The following RANBP2 variants were observed in gnomAD, a reference collection of about 807,000 sequenced individuals.
The protein encoded by RANBP2 is RAN binding protein 2.
RANBP2 carries 57 observed loss-of-function variants against 303.6 expected under a neutral mutation model. The ratio of observed to expected loss-of-function variants is 0.19; its 90% CI spans 0.15 to 0.23. The LOEUF (loss-of-function observed/expected upper bound fraction) is 0.23, where lower values mean the gene tolerates loss of function less well. Among genes scored for constraint, RANBP2 ranks in the 10% least tolerant of loss-of-function variants. RANBP2 has a pLI of 1.00. For missense variants in RANBP2, 3,138 were observed against 3,780.8 expected, an observed-to-expected ratio of 0.83 and a Z score of 4.46; for synonymous variants, 1,167 against 1,301.5, an observed-to-expected ratio of 0.90 and a Z score of 2.23.
the RANBP2 span, among the ~76,000 whole-genome samples, chr2:108,811,927 A>G: frequency 6.6e-6 from 1 of 152,142 alleles, no homozygotes; most frequent in Non-Finnish European, 1.5e-5. Context: ...AGCTCCATCC[A>G]TGTTGCTGCA....
At chr2:109,495,236 C>T in the RANBP2 span, among the ~76,000 whole-genome samples, 1 of 152,198 alleles carries the variant, frequency 6.6e-6, no homozygotes, top group Non-Finnish European at 1.5e-5. Context: ...ATGCAGGCAG[C>T]AAATGCACAT....
the RANBP2 span, among the ~76,000 whole-genome samples, chr2:108,824,336 G>T: frequency 1.3e-5 from 2 of 151,838 alleles, no homozygotes; most frequent in African/African-American, 2.4e-5. Context: ...TATCCTGTAA[G>T]TTTTTTTCTA....
the RANBP2 span, among the ~76,000 whole-genome samples, chr2:109,675,321 T>C: frequency 1.3e-5 from 2 of 152,208 alleles, no homozygotes; most frequent in Admixed American, 6.5e-5. Flanking sequence ...CTTCCTGGTA[T>C]ACTAACAGCA....
At chr2:109,406,386 C>G in the RANBP2 span, among the ~76,000 whole-genome samples, 43,229 of 152,064 alleles carry the variant, frequency 0.28, 7,644 homozygotes, top group Non-Finnish European at 0.39. Flanking sequence ...AATGGGCAGT[C>G]AGCTCTGGAG....
the RANBP2 span, among the ~76,000 whole-genome samples, chr2:109,030,383 A>G: frequency 6.2e-4 from 95 of 152,342 alleles, no homozygotes; most frequent in Non-Finnish European, 1.0e-4. Context: ...AGTAAAGCCC[A>G]TTGTTAATGT....
At chr2:109,521,569 G>A in the RANBP2 span, among the ~76,000 whole-genome samples, 1,512 of 152,196 alleles carry the variant, frequency 9.9e-3, 34 homozygotes, top group African/African-American at 0.035. Flanking sequence ...GCATGCTCGC[G>A]GTCCCGAGAT....
At chr2:108,869,483 A>G in the RANBP2 span, among the ~76,000 whole-genome samples, 1 of 152,256 alleles carries the variant, frequency 6.6e-6, no homozygotes, top group East Asian at 1.9e-4. Context: ...GGAATGCGGC[A>G]TGGTTTGAAT....
chr2:109,254,171 C>A, the RANBP2 span, among the ~76,000 whole-genome samples: 5 of 152,156 alleles, frequency 3.3e-5, no homozygotes, highest in Non-Finnish European at 5.9e-5. Flanking sequence ...TGAAGAAAAT[C>A]ACATTTTTCT....
the RANBP2 span, among the ~76,000 whole-genome samples, chr2:109,311,703 C>T: frequency 1.3e-5 from 2 of 152,200 alleles, no homozygotes; most frequent in Non-Finnish European, 1.5e-5. Flanking sequence ...CTGATGTACC[C>T]TGGTGGTGGT....
At chr2:108,828,814 TA>T in the RANBP2 span, among the ~76,000 whole-genome samples, 1 of 151,974 alleles carries the variant, frequency 6.6e-6, no homozygotes, top group Non-Finnish European at 1.5e-5. Flanking sequence ...CTATCTGTAC[TA>T]AAAATACCAA....
At chr2:108,951,792 T>C in the RANBP2 span, among the ~76,000 whole-genome samples, 1 of 152,196 alleles carries the variant, frequency 6.6e-6, no homozygotes, top group Non-Finnish European at 1.5e-5. Context: ...GGCAACACTA[T>C]ATCAGAACCA....
At chr2:108,751,173 A>T in intron 9 of RANBP2, 91 bp from the exon 10 acceptor site, 1 of 1,546,788 alleles carries the variant, frequency 6.5e-7, no homozygotes, top group Non-Finnish European at 8.8e-7. Context: ...TATAATTAAG[A>T]TATATATAAT....
chr2:109,742,609 G>C, the RANBP2 span, among the ~76,000 whole-genome samples: 4 of 146,982 alleles, frequency 2.7e-5, no homozygotes, highest in East Asian at 5.8e-4. Context: ...AACTTAATCT[G>C]TAGATCCAAT....
the RANBP2 span, chr2:109,419,425 G>A: frequency 8.8e-7 from 1 of 1,131,154 alleles, no homozygotes; most frequent in Non-Finnish European, 1.3e-6. Context: ...AGGCCAAACA[G>A]CCAGGCAGCT....
chr2:109,285,097 C>T, the RANBP2 span, among the ~76,000 whole-genome samples: 1 of 152,362 alleles, frequency 6.6e-6, no homozygotes, highest in Non-Finnish European at 1.5e-5. Context: ...GCTGTCACCC[C>T]TTAGCCCAGT....
At chr2:109,197,407 C>T in the RANBP2 span, among the ~76,000 whole-genome samples, 2 of 152,168 alleles carry the variant, frequency 1.3e-5, no homozygotes, top group African/African-American at 2.4e-5. Flanking sequence ...TGTTTGTCCT[C>T]GGGCTGGTGG....
At chr2:109,620,257 T>A in the RANBP2 span, among the ~76,000 whole-genome samples, 2 of 152,234 alleles carry the variant, frequency 1.3e-5, no homozygotes, top group Non-Finnish European at 2.9e-5. Flanking sequence ...ATAGTTTTTT[T>A]ATATAACATG....
the RANBP2 span, among the ~76,000 whole-genome samples, chr2:109,137,533 C>G: frequency 2.6e-5 from 4 of 152,190 alleles, no homozygotes; most frequent in African/African-American, 9.7e-5. Context: ...TCTGAAGATT[C>G]TTTTAATTTT....
the RANBP2 span, among the ~76,000 whole-genome samples, chr2:109,473,037 G>A: frequency 1.3e-5 from 2 of 152,252 alleles, no homozygotes; most frequent in Non-Finnish European, 2.9e-5. Context: ...GAGATGGCAA[G>A]GAGACAGGGT....
Sources: gnomAD v4.1 joint callset for allele counts (sites outside exome capture counted in the v4.1 genomes callset) on GRCh38, gnomAD v4.1.1 for gene constraint, MANE v1.5 for transcripts, NCBI Gene and HGNC (gene_info 2026-07-23, HGNC 2026-07-21) for gene names.